Variants in CTNNA3 observed in about 807,000 individuals in gnomAD.
The protein encoded by CTNNA3 is catenin alpha 3, also known as catenin alpha-3.
Under a neutral mutation model 95.7 loss-of-function variants are expected in CTNNA3, and 76 were observed. That is an observed-to-expected ratio of 0.79 (90% confidence interval 0.66 to 0.96). The LOEUF (loss-of-function observed/expected upper bound fraction) is 0.96. CTNNA3 is among the 40% of genes least tolerant of loss of function. The probability of loss-of-function intolerance (pLI) is 0.00; values close to 1 mark genes in which losing one functional copy is unlikely to be tolerated. For synonymous variants in CTNNA3, 431 were observed against 374.4 expected (o/e 1.15, Z -1.74); for missense variants, 1,191 against 1,089.8 (o/e 1.09, Z -1.31).
intron 15 of CTNNA3, among the ~76,000 whole-genome samples, chr10:66,058,864 A>G (rs1437192956): frequency 1.3e-5 from 2 of 152,144 alleles, no homozygotes; most frequent in Non-Finnish European, 2.9e-5. Context: ...GCCTTTTTAG[A>G]AAATGCAGCA....
intron 7 of CTNNA3, among the ~76,000 whole-genome samples, chr10:67,131,032 C>G (rs893725920): frequency 2.0e-5 from 3 of 151,990 alleles, no homozygotes; most frequent in Admixed American, 1.3e-4. Context: ...AAACTTGGCT[C>G]CATTTTTTAC....
chr10:66,033,727 TCTGA>T (rs1465350229), intron 15 of CTNNA3, among the ~76,000 whole-genome samples: 1 of 152,168 alleles, frequency 6.6e-6, no homozygotes, highest in Non-Finnish European at 1.5e-5. Flanking sequence ...GGCTTCTAAT[TCTGA>T]CTGATTGAAA....
At chr10:67,523,541 G>C (rs1337407912) in intron 4 of CTNNA3, among the ~76,000 whole-genome samples, 2 of 152,102 alleles carry the variant, frequency 1.3e-5, no homozygotes, top group Non-Finnish European at 2.9e-5. Flanking sequence ...GTAGTAAAGA[G>C]AGTGCAAAAA....
intron 11 of CTNNA3, among the ~76,000 whole-genome samples, chr10:66,397,425 C>T (rs1292331438): frequency 2.0e-5 from 3 of 151,680 alleles, no homozygotes; most frequent in Non-Finnish European, 4.4e-5. Context: ...TATTGTTTTC[C>T]TCTCTCTCTT....
chr10:66,337,164 T>C (rs566397067), intron 12 of CTNNA3, among the ~76,000 whole-genome samples: 164 of 152,256 alleles, frequency 1.1e-3, no homozygotes, highest in African/African-American at 3.8e-3. Context: ...ATTGGAAAAA[T>C]TAATTTGTAA....
At chr10:66,458,540 T>A (rs1237811445) in intron 11 of CTNNA3, among the ~76,000 whole-genome samples, 3 of 152,290 alleles carry the variant, frequency 2.0e-5, no homozygotes, top group East Asian at 3.9e-4. Flanking sequence ...AACTTTTTCA[T>A]CATCCTAAAC....
intron 7 of CTNNA3, among the ~76,000 whole-genome samples, chr10:66,966,377 T>C (rs970322260): frequency 6.6e-6 from 1 of 152,124 alleles, no homozygotes; most frequent in South Asian, 2.1e-4. Context: ...TATAATGAAA[T>C]GAAAAATTAA....
At chr10:67,016,544 C>A (rs1852670343) in intron 7 of CTNNA3, among the ~76,000 whole-genome samples, 2 of 152,102 alleles carry the variant, frequency 1.3e-5, no homozygotes, top group South Asian at 4.1e-4. Context: ...GGCTTCCCTT[C>A]CCTACCATTC....
rs1840348443 is a variant in CTNNA3, at chr10:67,667,286, G to A, written c.-5-19768C>T. Among the ~76,000 whole-genome samples, 5 of 151,976 alleles carry A rather than the reference G, an allele frequency of 3.3e-5. No individual in the cohort carries two copies. The South Asian group carries it at 1.0e-3, about 32-fold the overall frequency. On this transcript the variant is annotated intron_variant, in intron 1 of 17. Coordinates refer to ENST00000433211, the MANE Select transcript of CTNNA3 (RefSeq NM_013266.4). ...CACAACTTAACACTCACTTAGTGTGGAAAGACATGGACAGCAATTTGCCTG... is the reference window on the plus strand; with the variant it reads ...CACAACTTAACACTCACTTAGTGTGAAAAGACATGGACAGCAATTTGCCTG...
At chr10:66,521,191 T>C (rs1287813916) in intron 10 of CTNNA3, among the ~76,000 whole-genome samples, 1 of 151,526 alleles carries the variant, frequency 6.6e-6, no homozygotes, top group African/African-American at 2.4e-5. Context: ...GTATAAATTA[T>C]ATAGGTATAA....
intron 5 of CTNNA3, among the ~76,000 whole-genome samples, chr10:67,391,459 C>T (rs923727351): frequency 4.6e-5 from 7 of 152,100 alleles, no homozygotes; most frequent in African/African-American, 1.2e-4. Flanking sequence ...AAATCAATAT[C>T]GTGAAAATGG....
At chr10:66,981,195 C>T (rs951387319) in intron 7 of CTNNA3, among the ~76,000 whole-genome samples, 1 of 152,186 alleles carries the variant, frequency 6.6e-6, no homozygotes, top group African/African-American at 2.4e-5. Context: ...TGAGCCACCG[C>T]GCCCAGCCAC....
At chr10:67,025,057 G>C (rs1169998458) in intron 7 of CTNNA3, among the ~76,000 whole-genome samples, 1 of 150,464 alleles carries the variant, frequency 6.6e-6, no homozygotes, top group African/African-American at 2.5e-5. Context: ...TTGAACCCAG[G>C]AGCGGAGGTT....
chr10:66,092,451 T>C (rs1185702674), intron 14 of CTNNA3, among the ~76,000 whole-genome samples: 2 of 151,934 alleles, frequency 1.3e-5, no homozygotes, highest in Non-Finnish European at 2.9e-5. Context: ...GGCCTCCCTT[T>C]TAGTTTCAGA....
At chr10:66,444,174 T>A (rs1165707135) in intron 11 of CTNNA3, among the ~76,000 whole-genome samples, 6 of 152,070 alleles carry the variant, frequency 3.9e-5, no homozygotes, top group African/African-American at 1.4e-4. Context: ...TGGGACTATG[T>A]GAAAAGACCA....
chr10:66,986,418 A>G (rs1850731452), intron 7 of CTNNA3, among the ~76,000 whole-genome samples: 1 of 152,010 alleles, frequency 6.6e-6, no homozygotes, highest in Non-Finnish European at 1.5e-5. Context: ...AATCGCTTGA[A>G]CCCAGTAGGC....
At chr10:66,612,672 C>T (rs944063065) in intron 10 of CTNNA3, among the ~76,000 whole-genome samples, 1 of 152,118 alleles carries the variant, frequency 6.6e-6, no homozygotes, top group Non-Finnish European at 1.5e-5. Context: ...AATTGTTCCA[C>T]CCAAAATCCA....
At chr10:67,036,478 A>G (rs1854064655) in intron 7 of CTNNA3, among the ~76,000 whole-genome samples, 1 of 152,074 alleles carries the variant, frequency 6.6e-6, no homozygotes, top group Admixed American at 6.6e-5. Flanking sequence ...AGCCTGGCCA[A>G]CATGGTGAAA....
At chr10:66,248,338 G>C (rs973469787) in intron 13 of CTNNA3, among the ~76,000 whole-genome samples, 16 of 123,260 alleles carry the variant, frequency 1.3e-4, no homozygotes, top group African/African-American at 4.3e-4. Context: ...AAAGAAGAAA[G>C]AGAAAATCAT....
Sources: allele counts gnomAD v4.1 joint callset (sites outside exome capture counted in the v4.1 genomes callset), GRCh38; gene constraint gnomAD v4.1.1; transcripts MANE v1.5; gene names NCBI Gene and HGNC (gene_info 2026-07-23, HGNC 2026-07-21).